SLC47A1: variants seen among roughly 807,000 people sequenced by gnomAD.
SLC47A1 encodes the protein multidrug and toxin extrusion protein 1.
A neutral mutation model predicts 65.8 loss-of-function variants in SLC47A1; 58 were observed. The ratio of observed to expected loss-of-function variants is 0.88; its 90% confidence interval spans 0.71 to 1.10. The LOEUF (loss-of-function observed/expected upper bound fraction) is 1.10, where lower values mean the gene tolerates loss of function less well. Ranked by LOEUF, SLC47A1 falls within the 50% of genes least tolerant of loss-of-function variation. The pLI is 0.00. For missense variants in SLC47A1, 706 were observed against 719.2 expected, an observed-to-expected ratio of 0.98 and a Z score of 0.21; for synonymous variants, 285 against 295.0, an observed-to-expected ratio of 0.97 and a Z score of 0.35.
At chr17:19,556,820 GTGTTGGGA>G (rs1916628296) in intron 10 of SLC47A1, among the ~76,000 whole-genome samples, 2 of 152,216 alleles carry the variant, frequency 1.3e-5, no homozygotes, top group African/African-American at 2.4e-5. Flanking sequence ...GCCTCTCAAA[GTGTTGGGA>G]TTACAGGCGT....
chr17:19,557,273 GTT>G (rs1459143772), intron 10 of SLC47A1: 4 of 165,560 alleles, frequency 2.4e-5, no homozygotes, highest in Non-Finnish European at 5.3e-5. Context: ...TATGTTTTTT[GTT>G]TTTGTTTTTC....
chr17:19,553,095 C>T (rs1232328647), intron 6 of SLC47A1, among the ~76,000 whole-genome samples: 2 of 151,982 alleles, frequency 1.3e-5, no homozygotes. Flanking sequence ...TGTCCTGGGG[C>T]CCTTCCCTAG....
rs1340447927 is a variant in SLC47A1, at chr17:19,533,856, T to C, written c.-84T>C. 3 of 1,360,244 alleles carry C rather than the reference T, an allele frequency of 2.2e-6. No homozygotes were observed. The East Asian group carries it at 9.0e-5, about 41-fold the overall frequency. 84.3% of individuals were successfully genotyped at this position (1,360,244 alleles called of 1,614,324 possible). Reference sequence around the variant, plus strand: ...GCAGGCTGCACTGCGCGGTACCCACTGCCGGCCTGCGCGGTACTCACTGCC... The same window carrying C: ...GCAGGCTGCACTGCGCGGTACCCACCGCCGGCCTGCGCGGTACTCACTGCC... On this transcript the variant is annotated 5_prime_UTR_variant, in exon 1 of 17. Transcript: ENST00000270570.
intron 1 of SLC47A1, among the ~76,000 whole-genome samples, chr17:19,537,491 C>T (rs2152311704): frequency 6.6e-6 from 1 of 152,304 alleles, no homozygotes; most frequent in African/African-American, 2.4e-5. Context: ...TGGTTCCTTC[C>T]ATTCAAAGGG....
intron 3 of SLC47A1, among the ~76,000 whole-genome samples, chr17:19,546,783 T>C (rs1478443329): frequency 1.3e-5 from 2 of 152,154 alleles, no homozygotes; most frequent in African/African-American, 4.8e-5. Flanking sequence ...TTGAATTTGG[T>C]ATAGTTCTGT....
In SLC47A1 at chr17:19,542,380, C is replaced by G. The variant is rs988969121; in HGVS notation, c.136-13C>G. ...GGTCACTCACGTCCCTTCCCGTTCCCCTCTCTTCCCAGTTCTTGGTTCAGC... is the reference window on the plus strand; with the variant it reads ...GGTCACTCACGTCCCTTCCCGTTCCGCTCTCTTCCCAGTTCTTGGTTCAGC... On this transcript the variant is annotated splice_polypyrimidine_tract_variant and intron_variant, in intron 1 of 16. Transcript: ENST00000270570. 6.9e-6 allele frequency: 11 copies of G among 1,591,660 alleles called. No homozygotes were observed. The East Asian group carries it at 2.5e-4, about 36-fold the overall frequency.
chr17:19,567,117 A>C lies in SLC47A1; in HGVS notation c.1198A>C (p.Arg400=). Residue 400 remains arginine (R), a synonymous_variant, in exon 14 of 17, where the codon AGG becomes CGG. Transcript: ENST00000270570. ...ALACTSGGVL[R]GSGNQKVGAI... ...GCAGTGCACGAGTGGTGGTGTTCTGAGGGGGAGTGGAAATCAGAAGGTTGG... is the reference window on the plus strand; with the variant it reads ...GCAGTGCACGAGTGGTGGTGTTCTGCGGGGGAGTGGAAATCAGAAGGTTGG... 1 of 1,614,066 alleles carries C rather than the reference A, an allele frequency of 6.2e-7. No individual in the cohort carries two copies. The highest frequency in any genetic ancestry group is 8.5e-7 in the Non-Finnish European group (1 of 1,180,000).
intron 2 of SLC47A1, among the ~76,000 whole-genome samples, chr17:19,544,617 A>G (rs1205560603): frequency 6.6e-6 from 1 of 152,232 alleles, no homozygotes; most frequent in African/African-American, 2.4e-5. Context: ...GCACACCTGG[A>G]AAGCCTCTGG....
chr17:19,555,626 C>T lies in SLC47A1; in HGVS notation c.675C>T (p.Tyr225=). Reference sequence around the variant, plus strand: ...CACTGGCAAACTTGATTTCCCAGTACACCCTGGCTCTACTCCTCTTTCTCT... The same window carrying T: ...CACTGGCAAACTTGATTTCCCAGTATACCCTGGCTCTACTCCTCTTTCTCT... ...GSALANLISQ[Y]TLALLLFLYI... Residue 225 remains tyrosine (Y), a synonymous_variant, in exon 8 of 17, where the codon TAC becomes TAT. Coordinates refer to ENST00000270570, the MANE Select transcript of SLC47A1 (RefSeq NM_018242.3). The T allele has an allele frequency of 1.9e-6, 3 of 1,614,214 alleles. No homozygotes were observed. The highest frequency in any genetic ancestry group is 4.5e-5 in the East Asian group (2 of 44,880).
intron 15 of SLC47A1, among the ~76,000 whole-genome samples, chr17:19,572,354 C>G (rs113404625): frequency 0.026 from 4,031 of 152,190 alleles, 102 homozygotes; most frequent in Non-Finnish European, 0.039. Flanking sequence ...ACTATAGTGG[C>G]AGGATCACAT....
intron 12 of SLC47A1, among the ~76,000 whole-genome samples, chr17:19,566,578 A>T (rs2084359480): frequency 1.3e-5 from 2 of 151,910 alleles, no homozygotes. Context: ...GGTACCCACC[A>T]CCAGGCCTGG....
intron 4 of SLC47A1, among the ~76,000 whole-genome samples, chr17:19,548,821 G>C (rs1916366152): frequency 6.6e-6 from 1 of 152,164 alleles, no homozygotes; most frequent in Non-Finnish European, 1.5e-5. Context: ...GGTGAGGCCT[G>C]GGTATCGGTA....
At chr17:19,561,723 A>G (rs894299300) in intron 12 of SLC47A1, among the ~76,000 whole-genome samples, 2 of 151,972 alleles carry the variant, frequency 1.3e-5, no homozygotes, top group African/African-American at 4.8e-5. Context: ...ACTGATGTAT[A>G]ATCTACAGTG....
chr17:19,556,569 T>TC (rs1425327273), intron 10 of SLC47A1, among the ~76,000 whole-genome samples: 1 of 151,042 alleles, frequency 6.6e-6, no homozygotes, highest in Non-Finnish European at 1.5e-5. Flanking sequence ...ATTTTTTTTT[T>TC]TTTTTTGAGA....
chr17:19,547,656 CT>C (rs1916325267), intron 3 of SLC47A1, among the ~76,000 whole-genome samples: 1 of 147,894 alleles, frequency 6.8e-6, no homozygotes, highest in Non-Finnish European at 1.5e-5. Flanking sequence ...TGAGAAGCAT[CT>C]TTCACACCAT....
chr17:19,540,928 C>T (rs1916130758), intron 1 of SLC47A1, among the ~76,000 whole-genome samples: 1 of 152,072 alleles, frequency 6.6e-6, no homozygotes, highest in South Asian at 2.1e-4. Context: ...GGGCCCATCA[C>T]AGGAGTTGAA....
At chr17:19,534,153 G>T in intron 1 of SLC47A1, 79 bp downstream of exon 1, 1 of 1,412,394 alleles carries the variant, frequency 7.1e-7, no homozygotes. Context: ...GGGTGACTTT[G>T]GCGGGCTTTG....
At chr17:19,570,060 T>C (rs2084387886) in intron 14 of SLC47A1, among the ~76,000 whole-genome samples, 1 of 152,102 alleles carries the variant, frequency 6.6e-6, no homozygotes, top group Non-Finnish European at 1.5e-5. Flanking sequence ...TGTAGTGAGC[T>C]GTGGTCATGC....
chr17:19,537,767 A>G (rs982269089), intron 1 of SLC47A1, among the ~76,000 whole-genome samples: 2 of 152,050 alleles, frequency 1.3e-5, no homozygotes, highest in Admixed American at 6.5e-5. Flanking sequence ...AAAGCCCTCT[A>G]TGGCCTGGCC....
Sources: allele counts gnomAD v4.1 joint callset (sites outside exome capture counted in the v4.1 genomes callset), GRCh38; gene constraint gnomAD v4.1.1; transcripts MANE v1.5; gene names NCBI Gene and HGNC (gene_info 2026-07-23, HGNC 2026-07-21).